ERCC8: variants seen among roughly 807,000 people sequenced by gnomAD.
The protein encoded by ERCC8 is ERCC excision repair 8, CSA ubiquitin ligase complex subunit.
A neutral mutation model predicts 54.9 loss-of-function variants in ERCC8; 52 were observed. The observed-to-expected ratio is 0.95, with a 90% CI of 0.76 to 1.19. The LOEUF is 1.19. ERCC8 is among the 50% of genes most tolerant of loss of function. The pLI, the probability that ERCC8 is intolerant of heterozygous loss-of-function variation, is 0.00. For synonymous variants in ERCC8, 146 were observed against 157.2 expected (o/e 0.93, Z 0.53); for missense variants, 514 against 466.1 (o/e 1.10, Z -0.95).
At chr5:60,876,781 C>T (rs1748023646) in intron 11 of ERCC8, among the ~76,000 whole-genome samples, 1 of 152,070 alleles carries the variant, frequency 6.6e-6, no homozygotes, top group Admixed American at 6.6e-5. Flanking sequence ...TGGATATTAG[C>T]CCTTTGTTAG....
chr5:60,890,862 C>T, intron 10 of ERCC8, 27 bp downstream of exon 10: 1 of 1,556,564 alleles, frequency 6.4e-7, no homozygotes, highest in Non-Finnish European at 8.9e-7. Context: ...GCTAGCTGAA[C>T]ATTTTAAATT....
At position 60,868,916 on chromosome 5, in the gene ERCC8, C is replaced by T. The variant is rs1390431854; in HGVS notation, c.*5699G>A. 3.3e-5 allele frequency among the ~76,000 whole-genome samples: 5 copies of T among 152,128 alleles called. No homozygotes were observed. The highest frequency in any genetic ancestry group is 7.4e-5 in the Non-Finnish European group (5 of 68,008). The stretch of plus-strand genomic sequence containing the variant: ...AATAGAAAGCAAAGTGATTGTTTTC[C>T]TTTCTGTAATTAGCTTTCCCTGCTA... On this transcript the variant is annotated 3_prime_UTR_variant, in exon 12 of 12. Transcript: ENST00000676185.
intron 11 of ERCC8, among the ~76,000 whole-genome samples, chr5:60,876,834 T>A (rs190195125): frequency 3.9e-5 from 6 of 152,342 alleles, no homozygotes; most frequent in African/African-American, 1.2e-4. Flanking sequence ...GTAGGTTGCT[T>A]GTTCACTCTG....
chr5:60,920,591 A>G (rs540287160), intron 3 of ERCC8, among the ~76,000 whole-genome samples: 1 of 151,938 alleles, frequency 6.6e-6, no homozygotes, highest in Non-Finnish European at 1.5e-5. Flanking sequence ...CTTTATTGAA[A>G]TTATTTTTAA....
At chr5:60,898,933 CAT>C (rs1177151911) in intron 8 of ERCC8, among the ~76,000 whole-genome samples, 2 of 151,010 alleles carry the variant, frequency 1.3e-5, no homozygotes, top group Non-Finnish European at 3.0e-5. Flanking sequence ...ATATAGTTTA[CAT>C]GTTTCATAAG....
rs954456164 is a variant in ERCC8, at chr5:60,869,933, A to T, written c.*4682T>A. Among the ~76,000 whole-genome samples the T allele has an allele frequency of 5.3e-5, 8 of 152,206 alleles. No homozygotes were observed. The highest frequency in any genetic ancestry group is 1.7e-4 in the African/African-American group (7 of 41,446). On this transcript the variant is annotated 3_prime_UTR_variant, in exon 12 of 12. Coordinates refer to ENST00000676185, the MANE Select transcript of ERCC8 (RefSeq NM_000082.4). ...GAAAGGAAAACATATAAAATGTACA[A>T]GGCACTGGAGAGAAGTTATACATGA... is the stretch of plus-strand genomic sequence containing the variant.
intron 9 of ERCC8, chr5:60,892,656 A>G: frequency 1.5e-6 from 1 of 661,366 alleles, no homozygotes; most frequent in South Asian, 1.6e-5. Flanking sequence ...GCACTGCAAG[A>G]TGGTCTCCAC....
chr5:60,901,326 C>T (rs1318409390), intron 7 of ERCC8, among the ~76,000 whole-genome samples: 2 of 151,760 alleles, frequency 1.3e-5, no homozygotes, highest in African/African-American at 2.4e-5. Flanking sequence ...CTGTAGACAC[C>T]GAAAATTGTT....
intron 2 of ERCC8, among the ~76,000 whole-genome samples, chr5:60,925,914 C>T (rs545421602): frequency 6.6e-6 from 1 of 152,238 alleles, no homozygotes; most frequent in South Asian, 2.1e-4. Flanking sequence ...ACCTCTGCCT[C>T]CCAGGTTCAA....
intron 9 of ERCC8, among the ~76,000 whole-genome samples, chr5:60,897,685 T>C (rs147156597): frequency 1.4e-3 from 208 of 152,334 alleles, no homozygotes; most frequent in African/African-American, 4.8e-3. Flanking sequence ...GTACTACATA[T>C]TCTGGTACTA....
At chr5:60,928,994 GT>G (rs1324666176) in intron 1 of ERCC8, 35 bp from the exon 2 acceptor site, 9 of 1,234,082 alleles carry the variant, frequency 7.3e-6, no homozygotes, top group Non-Finnish European at 1.1e-5. Flanking sequence ...AAATTAACAA[GT>G]AATTTAACAT....
At position 60,871,303 on chromosome 5, in the gene ERCC8, T is replaced by C. The variant is rs1447070651; in HGVS notation, c.*3312A>G. On this transcript the variant is annotated 3_prime_UTR_variant, in exon 12 of 12. Coordinates refer to ENST00000676185, the MANE Select transcript of ERCC8 (RefSeq NM_000082.4). ...GTTAACAAAAAGAATAACTTTGTTA[T>C]AACAAATGACAGAGAGGGATTTATA... Among the ~76,000 whole-genome samples the C allele has an allele frequency of 6.6e-6, 1 of 152,176 alleles. No individual in the cohort carries two copies. Among genetic ancestry groups the C allele is most frequent in the African/African-American group, 2.4e-5 (1 of 41,444 alleles).
At chr5:60,941,087 A>T (rs1750243866) in intron 1 of ERCC8, among the ~76,000 whole-genome samples, 1 of 152,156 alleles carries the variant, frequency 6.6e-6, no homozygotes, top group South Asian at 2.1e-4. Flanking sequence ...AAGCTGAGGC[A>T]GGGGGACTGC....
rs1483425099 is a variant in ERCC8, at chr5:60,898,368, A to C, written c.751T>G (p.Leu251Val). 1 of 1,613,636 alleles carries C rather than the reference A, an allele frequency of 6.2e-7. No individual in the cohort carries two copies. Among genetic ancestry groups the C allele is most frequent in the Non-Finnish European group, 8.5e-7 (1 of 1,179,666 alleles). The change falls in exon 9 of 12, where the codon TTA (leucine) becomes GTA (valine). Residue 251 changes from leucine to valine, a missense_variant. Physicochemically the swap from Leu to Val is conservative, Grantham distance 32. Coordinates refer to ENST00000676185, the MANE Select transcript of ERCC8 (RefSeq NM_000082.4). ...NTAHNGKVNG[L>V]CFTSDGLHLL... is the part of the protein sequence containing the mutation. Reference sequence around the variant, plus strand: ...TGAAGTCCATCACTTGTAAAACATAAGCCATTAACTTTCCCATTATGAGCA... The same window carrying C: ...TGAAGTCCATCACTTGTAAAACATACGCCATTAACTTTCCCATTATGAGCA...
At chr5:60,876,123 G>A (rs985474993) in intron 11 of ERCC8, among the ~76,000 whole-genome samples, 4 of 151,778 alleles carry the variant, frequency 2.6e-5, no homozygotes, top group Non-Finnish European at 5.9e-5. Context: ...GTGAGAACTT[G>A]GCGGTGTTTG....
Position 60,934,175 on chromosome 5 carries a change from T to C in ERCC8, c.78-5216A>G, listed in dbSNP as rs561353893. 2.7e-4 allele frequency among the ~76,000 whole-genome samples: 41 copies of C among 152,354 alleles called. 1 individual carries two copies. In the South Asian group the frequency reaches 7.9e-3, roughly 29 times the overall value. On this transcript the variant is annotated intron_variant, in intron 1 of 11. Coordinates refer to ENST00000676185, the MANE Select transcript of ERCC8 (RefSeq NM_000082.4). ...GGAATCTCCACACTGTTTTCCATAG[T>C]GGTGGTACTAGTTGACATTCCCACT...
In ERCC8 at chr5:60,899,719, C is replaced by T; in HGVS notation, c.626G>A (p.Ser209Asn). 1.9e-6 allele frequency: 3 copies of T among 1,607,612 alleles called. No homozygotes were observed. The highest frequency in any genetic ancestry group is 8.5e-7 in the Non-Finnish European group (1 of 1,174,832). ...TCTCACATCCCATAATTTTACTCTA[C>T]TGTCAGCACTGAGAAGAAATAAATG... is the stretch of plus-strand genomic sequence containing the variant. ...DYILATASADSRVKLWDVRRA... is the reference protein window; with the variant it reads ...DYILATASADNRVKLWDVRRA... Residue 209 changes from serine to asparagine, a missense_variant, in exon 8 of 12, where the codon AGT becomes AAT. By Grantham distance (46) the Ser-to-Asn change is conservative. Coordinates refer to ENST00000676185, the MANE Select transcript of ERCC8 (RefSeq NM_000082.4).
chr5:60,898,203 A>G, intron 9 of ERCC8, 73 bp downstream of exon 9: 1 of 1,473,306 alleles, frequency 6.8e-7, no homozygotes, highest in South Asian at 1.2e-5. Context: ...AGTTAAATAT[A>G]TAAAAAAATC....
At chr5:60,927,465 G>A (rs1409669845) in intron 2 of ERCC8, among the ~76,000 whole-genome samples, 2 of 152,210 alleles carry the variant, frequency 1.3e-5, no homozygotes, top group African/African-American at 4.8e-5. Context: ...TGTAGCAAGA[G>A]TCTTCAGACT....
Sources: allele counts gnomAD v4.1 joint callset (sites outside exome capture counted in the v4.1 genomes callset), GRCh38; gene constraint gnomAD v4.1.1; transcripts MANE v1.5; gene names NCBI Gene and HGNC (gene_info 2026-07-23, HGNC 2026-07-21).